The following FNIP1 variants were observed in gnomAD, a reference collection of about 807,000 sequenced individuals.
The protein encoded by FNIP1 is folliculin interacting protein 1.
FNIP1 carries 40 observed loss-of-function variants against 124.5 expected under a neutral mutation model. The ratio of observed to expected loss-of-function variants is 0.32; its 90% CI spans 0.25 to 0.42. FNIP1 has a LOEUF of 0.42. FNIP1 is among the 10% of genes least tolerant of loss of function. FNIP1 has a pLI of 1.00. For missense variants in FNIP1, 1,176 were observed against 1,403.7 expected, an observed-to-expected ratio of 0.84 and a Z score of 2.59; for synonymous variants, 472 against 470.6, an observed-to-expected ratio of 1.00 and a Z score of -0.04.
At chr5:131,759,945 G>C (rs1771170455) in intron 1 of FNIP1, among the ~76,000 whole-genome samples, 1 of 152,238 alleles carries the variant, frequency 6.6e-6, no homozygotes, top group Non-Finnish European at 1.5e-5. Flanking sequence ...CAGCAACATG[G>C]AGGCGGCTGG....
At chr5:131,685,051 G>A (rs546631326) in intron 11 of FNIP1, among the ~76,000 whole-genome samples, 7 of 152,208 alleles carry the variant, frequency 4.6e-5, no homozygotes, top group South Asian at 4.1e-4. Flanking sequence ...TCTGGATTTC[G>A]ATAAAACGTA....
chr5:131,719,475 T>C (rs1580782820), intron 3 of FNIP1, 58 bp from the exon 4 acceptor site: 42 of 1,457,666 alleles, frequency 2.9e-5, no homozygotes, highest in Non-Finnish European at 3.9e-5. Flanking sequence ...GACTATTTCA[T>C]ATGTTGATTT....
At chr5:131,693,319 C>CATATATATATATATAT in intron 11 of FNIP1, among the ~76,000 whole-genome samples, 2 of 41,614 alleles carry the variant, frequency 4.8e-5, no homozygotes, top group South Asian at 1.6e-3. Flanking sequence ...TATATATACA[C>CATATATATATATATAT]ATATATATAT....
intron 1 of FNIP1, among the ~76,000 whole-genome samples, chr5:131,753,794 TTA>T (rs1770958484): frequency 6.6e-6 from 1 of 152,124 alleles, no homozygotes; most frequent in South Asian, 2.1e-4. Context: ...TTACATTACA[TTA>T]TGGACATCTC....
Position 131,693,277 on chromosome 5 carries a change from T to C in FNIP1, c.1202+5640A>G, listed in dbSNP as rs532699743. The stretch of plus-strand genomic sequence containing the variant: ...CTGTCAACTAAAAAAAAAAAAAGCA[T>C]GGTAATAGCTAAATATATACATATA... On this transcript the variant is annotated intron_variant, in intron 11 of 17. Transcript: ENST00000510461. Among the ~76,000 whole-genome samples the C allele has an allele frequency of 2.9e-3, 363 of 126,726 alleles. 3 individuals are homozygous for C. Among genetic ancestry groups the C allele is most frequent in the African/African-American group, 0.01 (345 of 34,114 alleles). 83.1% of individuals were successfully genotyped at this position (126,726 alleles called of 152,430 possible).
intron 10 of FNIP1, 82 bp downstream of exon 10, chr5:131,703,983 T>C: frequency 3.3e-6 from 4 of 1,213,136 alleles, no homozygotes; most frequent in Non-Finnish European, 4.6e-6. Context: ...TGTTAATTTT[T>C]CTGCCAAATT....
chr5:131,729,984 G>A (rs372712852), intron 3 of FNIP1, among the ~76,000 whole-genome samples: 8 of 151,258 alleles, frequency 5.3e-5, no homozygotes, highest in South Asian at 4.2e-4. Flanking sequence ...CAGGTGATCC[G>A]CCCACCTCAG....
At chr5:131,789,113 C>T (rs768799888) in intron 1 of FNIP1, among the ~76,000 whole-genome samples, 3 of 151,998 alleles carry the variant, frequency 2.0e-5, no homozygotes, top group African/African-American at 4.8e-5. Flanking sequence ...CTATTATCTG[C>T]GGCAATATGG....
chr5:131,647,325 A>C (rs765842792), intron 16 of FNIP1, 120 bp from the exon 17 acceptor site: 1 of 698,948 alleles, frequency 1.4e-6, no homozygotes, highest in Non-Finnish European at 2.4e-6. Context: ...ATGAACTAAA[A>C]TTTGGAGCAC....
At chr5:131,765,414 G>GT (rs1347156398) in intron 1 of FNIP1, among the ~76,000 whole-genome samples, 2 of 152,064 alleles carry the variant, frequency 1.3e-5, no homozygotes, top group African/African-American at 4.8e-5. Flanking sequence ...TTCAGTGAAT[G>GT]TAAGTGTTTG....
chr5:131,703,708 G>C (rs554209613), intron 10 of FNIP1, among the ~76,000 whole-genome samples: 36 of 152,074 alleles, frequency 2.4e-4, no homozygotes, highest in Non-Finnish European at 4.0e-4. Flanking sequence ...CTTATATACC[G>C]TTCTCCGTTT....
chr5:131,739,350 A>C (rs543684200), intron 2 of FNIP1, among the ~76,000 whole-genome samples: 1 of 152,316 alleles, frequency 6.6e-6, no homozygotes, highest in South Asian at 2.1e-4. Flanking sequence ...TAATAATAAT[A>C]GTAAGTAGTA....
At chr5:131,735,224 C>T (rs1003707907) in intron 2 of FNIP1, among the ~76,000 whole-genome samples, 5 of 152,118 alleles carry the variant, frequency 3.3e-5, no homozygotes, top group Non-Finnish European at 7.3e-5. Context: ...AAACCAAACA[C>T]TGCATGTTCT....
intron 2 of FNIP1, among the ~76,000 whole-genome samples, chr5:131,739,440 C>A (rs1042630137): frequency 6.6e-6 from 1 of 152,158 alleles, no homozygotes; most frequent in Non-Finnish European, 1.5e-5. Flanking sequence ...TAATCATATA[C>A]CAAAATTCCT....
intron 1 of FNIP1, among the ~76,000 whole-genome samples, chr5:131,784,982 A>G (rs559854972): frequency 3.5e-5 from 5 of 142,966 alleles, no homozygotes; most frequent in Non-Finnish European, 7.6e-5. Flanking sequence ...AACTATATAT[A>G]TATCATATAT....
chr5:131,753,341 T>G (rs7713502), intron 1 of FNIP1, among the ~76,000 whole-genome samples: 13,956 of 152,254 alleles, frequency 0.092, 1,442 homozygotes, highest in African/African-American at 0.26. Context: ...TTCACTGCAG[T>G]TTTATTTAAA....
At chr5:131,788,821 GA>G (rs1772305736) in intron 1 of FNIP1, among the ~76,000 whole-genome samples, 1 of 151,472 alleles carries the variant, frequency 6.6e-6, no homozygotes, top group Non-Finnish European at 1.5e-5. Context: ...ACTTAGGGAT[GA>G]AAAAGCAGAT....
At chr5:131,782,847 G>T (rs1208285073) in intron 1 of FNIP1, among the ~76,000 whole-genome samples, 1 of 152,216 alleles carries the variant, frequency 6.6e-6, no homozygotes, top group East Asian at 1.9e-4. Context: ...GCTAGGCCAG[G>T]CGTGGTGGTT....
chr5:131,794,164 C>G (rs1052910565), intron 1 of FNIP1, among the ~76,000 whole-genome samples: 11 of 133,242 alleles, frequency 8.3e-5, no homozygotes, highest in Non-Finnish European at 1.2e-4. Context: ...CCCAGGAGGT[C>G]AAGGCTGCAA....
Sources: allele counts gnomAD v4.1 joint callset (sites outside exome capture counted in the v4.1 genomes callset), GRCh38; gene constraint gnomAD v4.1.1; transcripts MANE v1.5; gene names NCBI Gene and HGNC (gene_info 2026-07-23, HGNC 2026-07-21).